GIGYF1: variants seen among roughly 807,000 people sequenced by gnomAD.
GIGYF1 encodes GRB10-interacting GYF protein 1.
Under a neutral mutation model 147.1 loss-of-function variants are expected in GIGYF1, and 84 were observed. That is an observed-to-expected ratio of 0.57 (90% CI 0.48 to 0.68). The LOEUF is 0.68. GIGYF1 is among the 30% of genes least tolerant of loss of function. The probability of loss-of-function intolerance (pLI) is 0.00; values close to 1 mark genes in which losing one functional copy is unlikely to be tolerated. For synonymous variants in GIGYF1, 752 were observed against 589.5 expected (o/e 1.28, Z -3.99); for missense variants, 1,485 against 1,393.7 (o/e 1.07, Z -1.04).
chr7:100,683,179 G>A lies in GIGYF1; in HGVS notation c.2245C>T (p.Pro749Ser), dbSNP rs1302836915. The change falls in exon 22 of 27, where the codon CCT (proline) becomes TCT (serine). Residue 749 changes from proline to serine, a missense_variant. Coordinates refer to ENST00000678049, the MANE Select transcript of GIGYF1 (RefSeq NM_001375765.1). ...GGGGAGCTGGGTGCGGGGGGCACAG[G>A]GACCGCCTGCTGCTGCTGTAGCAAC... ...LKLLQQQQAV[P>S]VPPAPSSPPP... 2 of 1,606,052 alleles carry A rather than the reference G, an allele frequency of 1.2e-6. No individual in the cohort carries two copies. The highest frequency in any genetic ancestry group is 1.7e-6 in the Non-Finnish European group (2 of 1,179,282).
intron 21 of GIGYF1, 28 bp downstream of exon 21, chr7:100,683,276 C>A: frequency 6.2e-7 from 1 of 1,613,620 alleles, no homozygotes; most frequent in Non-Finnish European, 8.5e-7. Context: ...GTTGTCCACC[C>A]AGCCAGCTGA....
intron 3 of GIGYF1, 70 bp downstream of exon 3, chr7:100,688,381 G>GA: frequency 1.3e-6 from 1 of 765,144 alleles, no homozygotes; most frequent in Non-Finnish European, 2.2e-6. Flanking sequence ...CACCATGGGG[G>GA]ACATCCTAGT....
Position 100,683,384 on chromosome 7 carries a change from G to C in GIGYF1, c.2113C>G (p.Arg705Gly), listed in dbSNP as rs754888392. 4 of 1,613,494 alleles carry C rather than the reference G, an allele frequency of 2.5e-6. No individual in the cohort carries two copies. The highest frequency in any genetic ancestry group is 3.4e-6 in the Non-Finnish European group (4 of 1,180,028). ...TGCTGCTGGCGGCGCTTCTCCTCTC[G>C]ACGCTTGCGTTCCTCTTCCTCCCGC... ...AKREEEERKR[R>G]EEKRRQQQQE... The change falls in exon 21 of 27, where the codon CGA (arginine) becomes GGA (glycine). Residue 705 changes from arginine (R) to glycine (G), a missense_variant. Transcript: ENST00000678049.
chr7:100,693,562 G>C (rs1287014779), intron 1 of GIGYF1, among the ~76,000 whole-genome samples: 1 of 152,194 alleles, frequency 6.6e-6, no homozygotes, highest in Non-Finnish European at 1.5e-5. Context: ...GGCCAAAGTC[G>C]TGGAACGCTT....
Position 100,686,036 on chromosome 7 carries a change from A to T in GIGYF1, c.992T>A (p.Phe331Tyr). The change falls in exon 12 of 27, where the codon TTC becomes TAC. Residue 331 changes from phenylalanine to tyrosine, a missense_variant. Coordinates refer to ENST00000678049, the MANE Select transcript of GIGYF1 (RefSeq NM_001375765.1). ...EPIPEEQELD[F>Y]QGLEEEEEPS... ...TTCCTCCTCCTCCTCCAACCCTTGGAAGTCCAGCTCCTGCTCCTCAGGAAT... is the reference window on the plus strand; with the variant it reads ...TTCCTCCTCCTCCTCCAACCCTTGGTAGTCCAGCTCCTGCTCCTCAGGAAT... 6.2e-7 allele frequency: 1 copy of T among 1,612,540 alleles called. No homozygotes were observed. Among genetic ancestry groups the T allele is most frequent in the South Asian group, 1.1e-5 (1 of 90,966 alleles).
rs1226776127 is a variant in GIGYF1, at chr7:100,682,573, C to G, written c.2600+17G>C. On this transcript the variant is annotated intron_variant, in intron 23 of 26. Transcript: ENST00000678049. ...CCCCCTCAGGGCCATCCCGGAGCCT[C>G]CAGGTGCCACGCCCACCTGAGAGAT... 1.3e-6 allele frequency: 2 copies of G among 1,592,006 alleles called. No individual in the cohort carries two copies. Among genetic ancestry groups the G allele is most frequent in the Non-Finnish European group, 1.7e-6 (2 of 1,172,686 alleles).
In GIGYF1 at chr7:100,682,385, C is replaced by T; in HGVS notation, c.2698G>A (p.Asp900Asn). ...TGCTCGCACCACTGGGTGAAGCCGT[C>T]CTGGGGCCTGGGAATGCCCTGCAGC... ...KLLQGIPRPQDGFTQWCEQML... is the reference protein window; with the variant it reads ...KLLQGIPRPQNGFTQWCEQML... Residue 900 changes from aspartate to asparagine, a missense_variant, in exon 24 of 27, where the codon GAC becomes AAC. Coordinates refer to ENST00000678049, the MANE Select transcript of GIGYF1 (RefSeq NM_001375765.1). 1 of 1,613,732 alleles carries T rather than the reference C, an allele frequency of 6.2e-7. No homozygotes were observed. The highest frequency in any genetic ancestry group is 8.5e-7 in the Non-Finnish European group (1 of 1,179,984).
In GIGYF1 at chr7:100,681,680, G is replaced by A. The variant is rs1325030368; in HGVS notation, c.*39C>T. On this transcript the variant is annotated 3_prime_UTR_variant, in exon 27 of 27. Coordinates refer to ENST00000678049, the MANE Select transcript of GIGYF1 (RefSeq NM_001375765.1). ...ACCCTCGGTCCACGCCGCTGTGGCTGCCCTGGCCTACAGCCCAGGGGCTGG... is the reference window on the plus strand; with the variant it reads ...ACCCTCGGTCCACGCCGCTGTGGCTACCCTGGCCTACAGCCCAGGGGCTGG... 2 of 1,512,082 alleles carry A rather than the reference G, an allele frequency of 1.3e-6. No individual in the cohort carries two copies. 93.7% of individuals were successfully genotyped at this position (1,512,082 alleles called of 1,614,324 possible).
In GIGYF1 at chr7:100,692,197, G is replaced by A. The variant is rs148130559; in HGVS notation, c.-1099+1913C>T. Among the ~76,000 whole-genome samples, 11 of 152,362 alleles carry A rather than the reference G, an allele frequency of 7.2e-5. No homozygotes were observed. In the East Asian group the frequency reaches 1.9e-3, roughly 27 times the overall value. ...GGTGAGGACGCTGAGGCTTAAAAAA[G>A]AGATGCAAACCCGCATTCTTCGCGG... is the stretch of plus-strand genomic sequence containing the variant. On this transcript the variant is annotated intron_variant, in intron 1 of 26. Transcript: ENST00000678049.
intron 1 of GIGYF1, among the ~76,000 whole-genome samples, chr7:100,693,169 A>G (rs943962185): frequency 6.6e-6 from 1 of 152,184 alleles, no homozygotes; most frequent in Non-Finnish European, 1.5e-5. Context: ...ACAAGTCTTT[A>G]TGTAGCATCT....
intron 1 of GIGYF1, among the ~76,000 whole-genome samples, chr7:100,692,963 C>A (rs2131407315): frequency 6.6e-6 from 1 of 152,164 alleles, no homozygotes; most frequent in African/African-American, 2.4e-5. Context: ...AAGGAGAGAC[C>A]CTTACTGGTA....
At chr7:100,687,199 G>A in intron 8 of GIGYF1, 99 bp downstream of exon 8, 2 of 1,450,156 alleles carry the variant, frequency 1.4e-6, no homozygotes, top group Non-Finnish European at 1.9e-6. Context: ...ATCTCGGACA[G>A]GGCTTATCTG....
chr7:100,685,653 C>T (rs1309822744), intron 12 of GIGYF1, among the ~76,000 whole-genome samples, 172 bp from the exon 13 acceptor site: 1 of 152,210 alleles, frequency 6.6e-6, no homozygotes, highest in Non-Finnish European at 1.5e-5. Context: ...CCCTGACCCT[C>T]GCCTCCACGC....
chr7:100,682,047 C>G, intron 25 of GIGYF1, 25 bp downstream of exon 25: 2 of 1,611,790 alleles, frequency 1.2e-6, no homozygotes, highest in Admixed American at 1.7e-5. Flanking sequence ...AAGCCCACCC[C>G]AGCTGCTGGT....
Position 100,684,166 on chromosome 7 carries a change from G to A in GIGYF1, c.1731-9C>T, listed in dbSNP as rs777378848. On this transcript the variant is annotated splice_polypyrimidine_tract_variant and intron_variant, in intron 17 of 26. Coordinates refer to ENST00000678049, the MANE Select transcript of GIGYF1 (RefSeq NM_001375765.1). ...ACTGTGGGAGCTGGCGGCTGCAAAT[G>A]GGACAGTGGAGATGGTGGGCCACAG... is the stretch of plus-strand genomic sequence containing the variant. 1.9e-6 allele frequency: 3 copies of A among 1,608,648 alleles called. No individual in the cohort carries two copies. The highest frequency in any genetic ancestry group is 1.7e-5 in the Admixed American group (1 of 59,940).
At chr7:100,691,430 C>T (rs1318045217) in intron 1 of GIGYF1, among the ~76,000 whole-genome samples, 1 of 152,096 alleles carries the variant, frequency 6.6e-6, no homozygotes, top group Non-Finnish European at 1.5e-5. Context: ...ACAGCAGGGA[C>T]ATCATTCCCT....
Position 100,683,694 on chromosome 7 carries a change from C to T in GIGYF1, c.1970-62G>A. ...GGCACTTGGGCCCACTGATCTAGTC[C>T]AGCCGCAGCAGTGGGCTCCCCAGCC... On this transcript the variant is annotated intron_variant, in intron 19 of 26. Coordinates refer to ENST00000678049, the MANE Select transcript of GIGYF1 (RefSeq NM_001375765.1). 7.0e-6 allele frequency: 11 copies of T among 1,564,716 alleles called. 1 individual carries two copies. In the Admixed American group the frequency reaches 1.5e-4, roughly 21 times the overall value.
Position 100,686,766 on chromosome 7 carries a change from A to G in GIGYF1, c.577T>C (p.Ser193Pro), listed in dbSNP as rs1373707553. The G allele has an allele frequency of 6.2e-7, 1 of 1,613,966 alleles. No homozygotes were observed. The highest frequency in any genetic ancestry group is 8.5e-7 in the Non-Finnish European group (1 of 1,179,988). ...GAGPRKEHARSDSENWRSLRE... is the reference protein window; with the variant it reads ...GAGPRKEHARPDSENWRSLRE... ...AGGGAGCGCCAGTTCTCGCTGTCTG[A>G]GCGGGCGTGCTCCTTCCTTGGGCCA... The change falls in exon 10 of 27, where the codon TCA (serine) becomes CCA (proline). Residue 193 changes from serine to proline, a missense_variant. Coordinates refer to ENST00000678049, the MANE Select transcript of GIGYF1 (RefSeq NM_001375765.1).
At chr7:100,685,570 G>A (rs1805244047) in intron 12 of GIGYF1, 89 bp from the exon 13 acceptor site, 18 of 1,433,688 alleles carry the variant, frequency 1.3e-5, no homozygotes, top group Admixed American at 4.6e-5. Flanking sequence ...CTGGAACCGC[G>A]GGTCACACTC....
Sources: gnomAD v4.1 joint callset for allele counts (sites outside exome capture counted in the v4.1 genomes callset) on GRCh38, gnomAD v4.1.1 for gene constraint, MANE v1.5 for transcripts, NCBI Gene and HGNC (gene_info 2026-07-23, HGNC 2026-07-21) for gene names.